The following ZNF7 variants were observed in gnomAD, a reference collection of about 807,000 sequenced individuals.
ZNF7 encodes the protein C2-H2 type zinc finger protein.
In ZNF7, 10 loss-of-function variants were observed where a neutral mutation model predicts 12.0. That is an observed-to-expected ratio of 0.83 (90% CI 0.51 to 1.42). The LOEUF is 1.42. ZNF7 is among the 40% of genes most tolerant of loss of function. The pLI, the probability that ZNF7 is intolerant of heterozygous loss-of-function variation, is 0.00. For synonymous variants in ZNF7, 334 were observed against 295.0 expected (o/e 1.13, Z -1.35); for missense variants, 854 against 837.2 (o/e 1.02, Z -0.25).
At chr8:144,830,449 C>A (rs1338268947) in intron 3 of ZNF7, among the ~76,000 whole-genome samples, 2 of 152,210 alleles carry the variant, frequency 1.3e-5, no homozygotes, top group East Asian at 3.8e-4. Context: ...CCAGGTTCTT[C>A]TGTGAAATAT....
At chr8:144,837,212 C>A in intron 3 of ZNF7, 179 bp from the exon 4 acceptor site, 1 of 498,626 alleles carries the variant, frequency 2.0e-6, no homozygotes, top group Non-Finnish European at 3.7e-6. Context: ...CAGATCTGGA[C>A]AGAAAGGGCT....
chr8:144,839,788 A>G (rs1735166), intron 4 of ZNF7, among the ~76,000 whole-genome samples: 68,949 of 152,018 alleles, frequency 0.45, 16,321 homozygotes, highest in African/African-American at 0.59. Context: ...AGATACTGAA[A>G]GATATTGGCC....
intron 3 of ZNF7, chr8:144,833,685 C>G (rs1207331201): frequency 6.6e-6 from 1 of 151,512 alleles, no homozygotes; most frequent in Non-Finnish European, 1.5e-5. Context: ...GCCAGTTTGG[C>G]TTTGTTTTTT....
chr8:144,840,417 T>C (rs1829729889), intron 4 of ZNF7, among the ~76,000 whole-genome samples: 1 of 152,184 alleles, frequency 6.6e-6, no homozygotes, highest in Admixed American at 6.5e-5. Flanking sequence ...TGTGCATTCA[T>C]GTGGGGTAGA....
rs573403052 is a variant in ZNF7, at chr8:144,827,705, C to T, written c.-46+96C>T. ...CTCCCGCCTTCGGCATTGGGGTCCC[C>T]GCGTCCCCCGGGCCTCCAGGCGGGA... On this transcript the variant is annotated intron_variant, in intron 1 of 4. Coordinates refer to ENST00000532777, the MANE Select transcript of ZNF7 (RefSeq NM_003416.4). 2.2e-5 allele frequency: 22 copies of T among 980,544 alleles called. No homozygotes were observed. In the African/African-American group the frequency reaches 3.3e-4, roughly 15 times the overall value. 60.7% of individuals were successfully genotyped at this position (980,544 alleles called of 1,614,324 possible). A position where few individuals can be genotyped will look rare whatever the true frequency, so the allele number is the denominator to read the frequency against.
At chr8:144,844,413 G>A (rs191531266), downstream of ZNF7, among the ~76,000 whole-genome samples, 2 of 152,180 alleles carry the variant, frequency 1.3e-5, no homozygotes, top group Non-Finnish European at 2.9e-5. Flanking sequence ...AGACAGTGGA[G>A]AAAAAGACGA....
downstream of ZNF7, among the ~76,000 whole-genome samples, chr8:144,845,622 A>G (rs1374552247): frequency 6.6e-6 from 1 of 152,204 alleles, no homozygotes; most frequent in East Asian, 1.9e-4. Flanking sequence ...TAAGGCTGAT[A>G]TTCACAGGCA....
At chr8:144,831,402 CA>C (rs1297988606) in intron 3 of ZNF7, among the ~76,000 whole-genome samples, 5 of 140,010 alleles carry the variant, frequency 3.6e-5, no homozygotes, top group Admixed American at 6.8e-5. Flanking sequence ...CGTGTGTGCA[CA>C]GGCAGTGATG....
Position 144,842,601 on chromosome 8 carries a change from G to A in ZNF7, c.1494G>A (p.Val498=), listed in dbSNP as rs773732807. ...TCCACACTGGAGAGAAACCCTATGT[G>A]TGTAATGACTGTGGAAAAGCCTTCA... The part of the protein sequence containing the change: ...QRIHTGEKPY[V]CNDCGKAFSQ... The change falls in exon 5 of 5, where the codon GTG becomes GTA. Residue 498 remains valine (V), a synonymous_variant. Transcript: ENST00000532777. 10 of 1,614,032 alleles carry A rather than the reference G, an allele frequency of 6.2e-6. No individual in the cohort carries two copies. The African/African-American group carries it at 1.2e-4, about 19-fold the overall frequency.
intron 1 of ZNF7, 192 bp from the exon 2 acceptor site, chr8:144,828,851 C>T: frequency 1.5e-6 from 1 of 680,426 alleles, no homozygotes; most frequent in South Asian, 1.8e-5. Context: ...CACACATACA[C>T]TCTAAAGAGG....
intron 4 of ZNF7, 135 bp downstream of exon 4, chr8:144,837,642 C>A: frequency 4.8e-6 from 3 of 625,344 alleles, no homozygotes; most frequent in Middle Eastern, 4.5e-4. Flanking sequence ...GGGGAAGCAG[C>A]ATCCAGCACC....
At chr8:144,838,061 C>A (rs192197055) in intron 4 of ZNF7, 10 of 702,790 alleles carry the variant, frequency 1.4e-5, no homozygotes, top group East Asian at 1.1e-4. Context: ...GCCGTGCCCC[C>A]CTGTGAAGGC....
chr8:144,829,323 C>G, intron 2 of ZNF7, 155 bp from the exon 3 acceptor site: 4 of 1,538,142 alleles, frequency 2.6e-6, no homozygotes, highest in South Asian at 1.2e-5. Flanking sequence ...TCCTCCTCCC[C>G]GAGACTGCCC....
In ZNF7 at chr8:144,838,033, G is replaced by A. The variant is rs148798608; in HGVS notation, c.247+526G>A. The stretch of plus-strand genomic sequence containing the variant: ...CTGTGGAGGCCGGAAATCTGAAACC[G>A]GGGGGTCAGCAAGCAGGGCCGTGCC... On this transcript the variant is annotated intron_variant, in intron 4 of 4. Coordinates refer to ENST00000532777, the MANE Select transcript of ZNF7 (RefSeq NM_003416.4). The A allele has an allele frequency of 7.4e-3, 5,175 of 696,516 alleles. 41 individuals carry two copies. The highest frequency in any genetic ancestry group is 0.018 in the South Asian group (1,187 of 67,418). 43.1% of individuals were successfully genotyped at this position (696,516 alleles called of 1,614,324 possible).
At chr8:144,829,902 T>A (rs1319934831) in intron 3 of ZNF7, 1 of 235,782 alleles carries the variant, frequency 4.2e-6, no homozygotes, top group Non-Finnish European at 8.1e-6. Flanking sequence ...AAAAGAGAAA[T>A]TATTGGGTGG....
chr8:144,838,181 C>G, intron 4 of ZNF7: 1 of 702,140 alleles, frequency 1.4e-6, no homozygotes, highest in Non-Finnish European at 2.6e-6. Flanking sequence ...GACTCCTTCA[C>G]ACGGCTGCCT....
downstream of ZNF7, among the ~76,000 whole-genome samples, chr8:144,845,453 AC>A (rs1439340346): frequency 6.6e-6 from 1 of 151,896 alleles, no homozygotes; most frequent in East Asian, 1.9e-4. Flanking sequence ...GGTTCTTGGC[AC>A]ATGCAGGAAC....
In ZNF7 at chr8:144,843,233, T is replaced by C. The variant is rs1254369652; in HGVS notation, c.*65T>C. The C allele has an allele frequency of 1.4e-6, 2 of 1,480,836 alleles. No homozygotes were observed. Among genetic ancestry groups the C allele is most frequent in the Non-Finnish European group, 1.8e-6 (2 of 1,106,738 alleles). 91.7% of individuals were successfully genotyped at this position (1,480,836 alleles called of 1,614,324 possible). The stretch of plus-strand genomic sequence containing the variant: ...ATAGCCTTAACTTACTTATTTTATA[T>C]GGAATCGTTTATACTGACAAACATG... On this transcript the variant is annotated 3_prime_UTR_variant, in exon 5 of 5. Transcript: ENST00000532777.
Position 144,827,770 on chromosome 8 carries a change from G to T in ZNF7, c.-46+161G>T, listed in dbSNP as rs1279242295. ...TGCGGGGCCTTGAGCGCCTGGTGTG[G>T]GAGGTGGTCGAGCCCAGCCACCCTC... On this transcript the variant is annotated intron_variant, in intron 1 of 4. Transcript: ENST00000532777. The T allele has an allele frequency of 1.1e-5, 9 of 828,572 alleles. No homozygotes were observed. The East Asian group carries it at 1.1e-3, about 102-fold the overall frequency. The allele number at this position is 828,572 out of a possible 1,614,324, so 51.3% of individuals were successfully genotyped here. A position where few individuals can be genotyped will look rare whatever the true frequency, so the allele number is the denominator to read the frequency against.
Sources: gnomAD v4.1 joint callset for allele counts (sites outside exome capture counted in the v4.1 genomes callset) on GRCh38, gnomAD v4.1.1 for gene constraint, MANE v1.5 for transcripts, NCBI Gene and HGNC (gene_info 2026-07-23, HGNC 2026-07-21) for gene names.